The following CDKL5 variants were observed in gnomAD, a reference collection of about 807,000 sequenced individuals.
The protein encoded by CDKL5 is cyclin dependent kinase like 5.
A neutral mutation model predicts 61.7 loss-of-function variants in CDKL5; 8 were observed. The observed-to-expected ratio is 0.13, with a 90% CI of 0.08 to 0.23. The LOEUF is 0.23. CDKL5 is among the 10% of genes least tolerant of loss of function. CDKL5 has a pLI of 1.00. For synonymous variants in CDKL5, 275 were observed against 272.3 expected (o/e 1.01, Z -0.10); for missense variants, 440 against 734.5 (o/e 0.60, Z 4.63).
chrX:18,463,586 GA>G (rs2035563801), intron 1 of CDKL5, among the ~76,000 whole-genome samples: 1 of 111,636 alleles, frequency 9.0e-6, no homozygotes. Flanking sequence ...TTATATTTGG[GA>G]AACAGAATGT....
At chrX:18,500,223 G>A (rs769276215) in intron 1 of CDKL5, among the ~76,000 whole-genome samples, 61 of 111,662 alleles carry the variant, frequency 5.5e-4, no homozygotes, top group African/African-American at 1.8e-3. Context: ...TTTGATACAA[G>A]CATACAATAT....
At chrX:18,556,714 C>T (rs907911058) in intron 3 of CDKL5, among the ~76,000 whole-genome samples, 2 of 110,239 alleles carry the variant, frequency 1.8e-5, no homozygotes, top group African/African-American at 3.3e-5. Context: ...GAAACCCTGT[C>T]TCTACTAAAA....
chrX:18,465,295 C>T (rs1196793548), intron 1 of CDKL5, among the ~76,000 whole-genome samples: 2 of 111,683 alleles, frequency 1.8e-5, no homozygotes, highest in East Asian at 5.6e-4. Flanking sequence ...ATGTCCTAAT[C>T]CAGAGAGAAA....
chrX:18,510,883 T>C, intron 3 of CDKL5, 29 bp downstream of exon 3: 2 of 1,051,685 alleles, frequency 1.9e-6, no homozygotes, highest in Non-Finnish European at 2.7e-6. Context: ...AAAAGAAATA[T>C]CTGTATATGT....
chrX:18,613,605 G>A (rs1379472288), intron 15 of CDKL5, among the ~76,000 whole-genome samples: 1 of 111,828 alleles, frequency 8.9e-6, no homozygotes, highest in Non-Finnish European at 1.9e-5. Context: ...AGCATTTGAT[G>A]TGCATCGTCT....
intron 3 of CDKL5, among the ~76,000 whole-genome samples, chrX:18,521,360 A>C (rs188955612): frequency 8.9e-6 from 1 of 111,812 alleles, no homozygotes; most frequent in East Asian, 2.8e-4. Context: ...GATGATGTAC[A>C]AGGTTTTTAA....
In CDKL5 at chrX:18,629,172, T is replaced by G; in HGVS notation, c.*415T>G. The G allele has an allele frequency of 1.3e-6, 1 of 763,249 alleles. No homozygotes were observed. Among genetic ancestry groups the G allele is most frequent in the South Asian group, 6.5e-5 (1 of 15,360 alleles). The allele number at this position is 763,249 out of a possible 1,213,427, so 62.9% of individuals were successfully genotyped here. A position where few individuals can be genotyped will look rare whatever the true frequency, so the allele number is the denominator to read the frequency against. The stretch of plus-strand genomic sequence containing the variant: ...CCCTTACTACATATTTTTTTCTGCC[T>G]AGAGTAAATGTGGGGTTTATTGTAA... On this transcript the variant is annotated 3_prime_UTR_variant, in exon 18 of 18. Coordinates refer to ENST00000623535, the MANE Select transcript of CDKL5 (RefSeq NM_001323289.2).
chrX:18,496,122 T>G (rs964018285), intron 1 of CDKL5, among the ~76,000 whole-genome samples: 1 of 112,391 alleles, frequency 8.9e-6, no homozygotes, highest in Admixed American at 9.5e-5. Flanking sequence ...TAAAGAGGTT[T>G]ATTCTGAGCT....
At chrX:18,616,456 T>C (rs374967294) in intron 15 of CDKL5, among the ~76,000 whole-genome samples, 3 of 109,639 alleles carry the variant, frequency 2.7e-5, no homozygotes, top group African/African-American at 1.0e-4. Flanking sequence ...GAAAACCCCG[T>C]CTCTACTAAA....
chrX:18,552,296 C>T (rs1924428941), intron 3 of CDKL5, among the ~76,000 whole-genome samples: 2 of 110,394 alleles, frequency 1.8e-5, no homozygotes, highest in South Asian at 3.8e-4. Flanking sequence ...TATATATTTG[C>T]ATTCTGTGTT....
At chrX:18,431,229 T>C (rs1266894643) in intron 1 of CDKL5, among the ~76,000 whole-genome samples, 1 of 111,288 alleles carries the variant, frequency 9.0e-6, no homozygotes, top group Non-Finnish European at 1.9e-5. Flanking sequence ...TAAGGAACAC[T>C]TAGAAGTCCA....
intron 1 of CDKL5, among the ~76,000 whole-genome samples, chrX:18,472,660 C>A (rs1409940678): frequency 9.0e-6 from 1 of 111,169 alleles, no homozygotes; most frequent in African/African-American, 3.3e-5. Context: ...TTGATATATT[C>A]AGCCAGCAAA....
In CDKL5 at chrX:18,583,288, G is replaced by A. The variant is rs763757970; in HGVS notation, c.464-975G>A. Among the ~76,000 whole-genome samples the A allele has an allele frequency of 6.3e-5, 7 of 111,460 alleles. No homozygotes were observed. In the South Asian group the frequency reaches 2.6e-3, roughly 42 times the overall value. On this transcript the variant is annotated intron_variant, in intron 7 of 17. Transcript: ENST00000623535. The stretch of plus-strand genomic sequence containing the variant: ...GTTCCTCCTGGCAGCACCACATGCG[G>A]TATCCTGTGTCCTGTGTATCCCTAG...
Position 18,604,466 on chromosome X carries a change from T to C in CDKL5, c.1542T>C (p.Ser514=), listed in dbSNP as rs1926286272. The C allele has an allele frequency of 2.5e-6, 3 of 1,208,188 alleles. No individual in the cohort carries two copies. Among genetic ancestry groups the C allele is most frequent in the Middle Eastern group, 2.3e-4 (1 of 4,373 alleles). Residue 514 remains serine (S), a synonymous_variant, in exon 12 of 18, where the codon AGT becomes AGC. Transcript: ENST00000623535. ...ARAQIAEPST[S]RYFPSSCLDL... ...CCCAAATTGCGGAGCCCAGTACCAGTAGGTACTTCCCATCTAGCTGCTTAG... is the reference window on the plus strand; with the variant it reads ...CCCAAATTGCGGAGCCCAGTACCAGCAGGTACTTCCCATCTAGCTGCTTAG...
At chrX:18,558,746 A>G (rs1026824111) in intron 3 of CDKL5, among the ~76,000 whole-genome samples, 2 of 112,217 alleles carry the variant, frequency 1.8e-5, no homozygotes, top group African/African-American at 3.2e-5. Flanking sequence ...GAGGTTAACT[A>G]TAATCTGACA....
intron 5 of CDKL5, among the ~76,000 whole-genome samples, chrX:18,577,795 G>A (rs1484952752): frequency 8.9e-6 from 1 of 112,174 alleles, no homozygotes; most frequent in East Asian, 2.8e-4. Context: ...AGAATAGAAT[G>A]TGAAACAAGA....
intron 1 of CDKL5, among the ~76,000 whole-genome samples, chrX:18,483,485 T>G (rs1921664707): frequency 2.7e-5 from 3 of 110,844 alleles, no homozygotes; most frequent in South Asian, 7.8e-4. Flanking sequence ...TGGCACAATT[T>G]TGGCTCACTG....
chrX:18,579,437 G>A (rs1925402306), intron 5 of CDKL5, among the ~76,000 whole-genome samples: 1 of 110,629 alleles, frequency 9.0e-6, no homozygotes. Context: ...TCTTCCAGGT[G>A]TATTTTCAAG....
At chrX:18,440,253 A>G (rs767868056) in intron 1 of CDKL5, among the ~76,000 whole-genome samples, 2 of 112,182 alleles carry the variant, frequency 1.8e-5, no homozygotes, top group African/African-American at 6.5e-5. Context: ...TATTTTTGAA[A>G]TAGTCATTTC....
Sources: allele counts gnomAD v4.1 joint callset (sites outside exome capture counted in the v4.1 genomes callset), GRCh38; gene constraint gnomAD v4.1.1; transcripts MANE v1.5; gene names NCBI Gene and HGNC (gene_info 2026-07-23, HGNC 2026-07-21).